MYPN: variants seen among roughly 807,000 people sequenced by gnomAD.
MYPN encodes myopalladin, also known as sarcomeric protein myopalladin, 145 kDa (MYOP).
A neutral mutation model predicts 129.4 loss-of-function variants in MYPN; 63 were observed. The ratio of observed to expected loss-of-function variants is 0.49; its 90% confidence interval spans 0.40 to 0.60. MYPN has a LOEUF of 0.60. Among genes scored for constraint, MYPN ranks in the 20% least tolerant of loss-of-function variants. The pLI is 0.00. For missense variants in MYPN, 1,596 were observed against 1,635.4 expected (o/e 0.98, Z 0.42); for synonymous variants, 629 against 600.9 (o/e 1.05, Z -0.68).
At chr10:68,120,335 T>C (rs2042224222) in intron 1 of MYPN, among the ~76,000 whole-genome samples, 1 of 152,254 alleles carries the variant, frequency 6.6e-6, no homozygotes, top group Admixed American at 6.5e-5. Context: ...CTTAAGACTT[T>C]AAAAATATTT....
chr10:68,143,080 G>C lies in MYPN; in HGVS notation c.1043G>C (p.Gly348Ala). The C allele has an allele frequency of 6.2e-7, 1 of 1,614,014 alleles. No individual in the cohort carries two copies. ...TCCTGCTTTGCTTCTAACATCTATG[G>C]GACAGATTCGACTTCTGCTGAGATT... is the stretch of plus-strand genomic sequence containing the variant. ...RYSCFASNIYGTDSTSAEIYI... is the reference protein window; with the variant it reads ...RYSCFASNIYATDSTSAEIYI... Residue 348 changes from glycine to alanine, a missense_variant, in exon 3 of 20, where the codon GGG becomes GCG. Coordinates refer to ENST00000358913, the MANE Select transcript of MYPN (RefSeq NM_032578.4).
At chr10:68,167,322 T>C (rs1321997869) in intron 10 of MYPN, among the ~76,000 whole-genome samples, 2 of 152,242 alleles carry the variant, frequency 1.3e-5, no homozygotes, top group South Asian at 4.1e-4. Context: ...ATATTTCCCA[T>C]TTCTGCTTCA....
At chr10:68,148,591 C>T (rs1400666871) in intron 5 of MYPN, 124 bp downstream of exon 5, 2 of 790,440 alleles carry the variant, frequency 2.5e-6, no homozygotes, top group Admixed American at 2.0e-5. Flanking sequence ...GGATAATCAC[C>T]TTGTATTTCT....
rs117324378 is a variant in MYPN at position 68,094,670 on chromosome 10, G to C, written c.-2+6678G>C. Among the ~76,000 whole-genome samples, 1,234 of 152,250 alleles carry C rather than the reference G, an allele frequency of 8.1e-3. 25 individuals carry two copies. Among genetic ancestry groups the C allele is most frequent in the East Asian group, 0.08 (412 of 5,168 alleles). ...TTAATACAAATAAAATTTATTTCGT[G>C]ATATGTAAATTAGGCTCCTCTGAAA... is the stretch of plus-strand genomic sequence containing the variant. On this transcript the variant is annotated intron_variant, in intron 1 of 6. Transcript: ENST00000685154.
At chr10:68,148,566 G>C in intron 5 of MYPN, 99 bp downstream of exon 5, 1 of 904,876 alleles carries the variant, frequency 1.1e-6, no homozygotes, top group Non-Finnish European at 1.9e-6. Flanking sequence ...TTTCTCAGGT[G>C]CAACTCCATC....
At chr10:68,149,215 C>T (rs183516248) in intron 5 of MYPN, among the ~76,000 whole-genome samples, 1 of 152,252 alleles carries the variant, frequency 6.6e-6, no homozygotes, top group Non-Finnish European at 1.5e-5. Context: ...GAATAAGACC[C>T]TGTCCTCCCA....
intron 12 of MYPN, among the ~76,000 whole-genome samples, chr10:68,183,188 C>T (rs751507571): frequency 2.0e-5 from 3 of 152,128 alleles, no homozygotes; most frequent in Admixed American, 6.5e-5. Context: ...CGGCCAGGCA[C>T]GGTGACTCAC....
intron 1 of MYPN, among the ~76,000 whole-genome samples, chr10:68,115,756 A>T (rs2042147944): frequency 6.6e-6 from 1 of 152,178 alleles, no homozygotes; most frequent in African/African-American, 2.4e-5. Context: ...CAAGACCTTA[A>T]ATGATCTGGC....
chr10:68,089,176 C>T (rs1468190953), intron 1 of MYPN, among the ~76,000 whole-genome samples: 1 of 152,044 alleles, frequency 6.6e-6, no homozygotes, highest in African/African-American at 2.4e-5. Flanking sequence ...GGATTACAGA[C>T]ATGCGCCACA....
intron 12 of MYPN, among the ~76,000 whole-genome samples, chr10:68,188,363 G>A (rs1333747125): frequency 6.6e-6 from 1 of 151,278 alleles, no homozygotes; most frequent in Non-Finnish European, 1.5e-5. Flanking sequence ...ACCTACCTCA[G>A]CCTCCCAAAG....
intron 12 of MYPN, among the ~76,000 whole-genome samples, chr10:68,184,614 C>G (rs914482442): frequency 2.0e-5 from 3 of 152,070 alleles, no homozygotes; most frequent in African/African-American, 7.2e-5. Context: ...TTTTTTGAGG[C>G]ATTTCTTTAA....
At chr10:68,157,389 G>A (rs1013351590) in intron 6 of MYPN, among the ~76,000 whole-genome samples, 1 of 152,084 alleles carries the variant, frequency 6.6e-6, no homozygotes, top group African/African-American at 2.4e-5. Context: ...CCAGTTACTT[G>A]GGCCATAGAA....
intron 2 of MYPN, among the ~76,000 whole-genome samples, chr10:68,138,101 T>C (rs2042515283): frequency 7.0e-6 from 1 of 142,678 alleles, no homozygotes; most frequent in Non-Finnish European, 1.5e-5. Flanking sequence ...TTTCTTTTTC[T>C]TTTTTCTTCT....
In MYPN at chr10:68,206,846, T is replaced by C. The variant is rs149941297; in HGVS notation, c.3736T>C (p.Leu1246=). ...AKKSDAGWYT[L]SAKNEAGIVS... Reference sequence around the variant, plus strand: ...GAAATCAGACGCTGGATGGTACACGTTGTCAGCCAAGAATGAAGCCGGCAT... The same window carrying C: ...GAAATCAGACGCTGGATGGTACACGCTGTCAGCCAAGAATGAAGCCGGCAT... Residue 1246 remains leucine (L), a synonymous_variant, in exon 19 of 20, where the codon TTG becomes CTG. Coordinates refer to ENST00000358913, the MANE Select transcript of MYPN (RefSeq NM_032578.4). 2.5e-6 allele frequency: 4 copies of C among 1,614,034 alleles called. No homozygotes were observed. In the African/African-American group the frequency reaches 4.0e-5, roughly 16 times the overall value.
intron 6 of MYPN, among the ~76,000 whole-genome samples, chr10:68,150,828 T>C (rs2134100606): frequency 1.3e-5 from 2 of 152,338 alleles, no homozygotes; most frequent in Admixed American, 1.3e-4. Flanking sequence ...TTAGATTTTA[T>C]GGTATTATGA....
chr10:68,127,644 T>C (rs960847173), intron 2 of MYPN, among the ~76,000 whole-genome samples: 2 of 152,062 alleles, frequency 1.3e-5, no homozygotes, highest in African/African-American at 4.8e-5. Context: ...GGGACACATA[T>C]ATCTTTTTAA....
Position 68,175,329 on chromosome 10 carries a change from C to G in MYPN, c.2571C>G (p.Ser857=). The G allele has an allele frequency of 6.2e-7, 1 of 1,613,784 alleles. No homozygotes were observed. The highest frequency in any genetic ancestry group is 1.6e-4 in the Middle Eastern group (1 of 6,062). The change falls in exon 12 of 20, where the codon TCC becomes TCG. Residue 857 remains serine (S), a synonymous_variant. Transcript: ENST00000358913. ...GLPRSAPSMP[S]QGLAKKNTKS... The stretch of plus-strand genomic sequence containing the variant: ...GTGTGGATTTATCTTACAGGCCATC[C>G]CAGGGATTAGCGAAGAAAAATACAA...
intron 2 of MYPN, among the ~76,000 whole-genome samples, chr10:68,131,415 A>G (rs935093770): frequency 6.6e-6 from 1 of 151,824 alleles, no homozygotes; most frequent in Non-Finnish European, 1.5e-5. Context: ...CAACAACAAA[A>G]AAAACTAATA....
chr10:68,143,018 C>A lies in MYPN; in HGVS notation c.981C>A (p.Thr327=), dbSNP rs760798332. The A allele has an allele frequency of 5.0e-6, 8 of 1,613,980 alleles. No homozygotes were observed. The East Asian group carries it at 1.6e-4, about 31-fold the overall frequency. ...AGGCAGGAAATCTGCACTCACTGACCATTGCGGAAGCCTTTGAAGAGGACA... is the reference window on the plus strand; with the variant it reads ...AGGCAGGAAATCTGCACTCACTGACAATTGCGGAAGCCTTTGAAGAGGACA... The part of the protein sequence containing the change: ...IVQAGNLHSL[T]IAEAFEEDTG... The change falls in exon 3 of 20, where the codon ACC becomes ACA. Residue 327 remains threonine (T), a synonymous_variant. Transcript: ENST00000358913.
Sources: allele counts gnomAD v4.1 joint callset (sites outside exome capture counted in the v4.1 genomes callset), GRCh38; gene constraint gnomAD v4.1.1; transcripts MANE v1.5; gene names NCBI Gene and HGNC (gene_info 2026-07-23, HGNC 2026-07-21).